The following MYO9B variants were observed in gnomAD, a reference collection of about 807,000 sequenced individuals.
MYO9B encodes myosin IXB, also known as unconventional myosin-IXb.
Under a neutral mutation model 229.5 loss-of-function variants are expected in MYO9B, and 71 were observed. The observed-to-expected ratio is 0.31, with a 90% confidence interval of 0.26 to 0.38. The LOEUF is 0.38. Among genes scored for constraint, MYO9B ranks in the 10% least tolerant of loss-of-function variants. MYO9B has a pLI of 1.00. For missense variants in MYO9B, 2,255 were observed against 2,920.5 expected, an observed-to-expected ratio of 0.77 and a Z score of 5.25; for synonymous variants, 1,185 against 1,235.8, an observed-to-expected ratio of 0.96 and a Z score of 0.86.
At chr19:17,113,276 G>A (rs2057866123) in intron 2 of MYO9B, among the ~76,000 whole-genome samples, 1 of 152,172 alleles carries the variant, frequency 6.6e-6, no homozygotes, top group African/African-American at 2.4e-5. Flanking sequence ...GAGGGTCCGG[G>A]GCAGCAGCCT....
chr19:17,147,476 G>A (rs1423243496), intron 3 of MYO9B, among the ~76,000 whole-genome samples: 31 of 147,184 alleles, frequency 2.1e-4, no homozygotes, highest in Admixed American at 2.0e-4. Flanking sequence ...CCCAGGAGGC[G>A]GAGATTGCAG....
At chr19:17,134,360 G>GT (rs142567764) in intron 2 of MYO9B, among the ~76,000 whole-genome samples, 10,982 of 45,912 alleles carry the variant, frequency 0.24, 566 homozygotes, top group Middle Eastern at 0.32. Flanking sequence ...GGATCTCTTT[G>GT]TTTTTTTTTT....
Position 17,101,735 on chromosome 19 carries a change from A to G in MYO9B, c.18A>G (p.Ala6=). 1 of 1,584,000 alleles carries G rather than the reference A, an allele frequency of 6.3e-7. No homozygotes were observed. Among genetic ancestry groups the G allele is most frequent in the African/African-American group, 1.3e-5 (1 of 74,432 alleles). MSVKE[A]GSSGRREQAA... is the part of the protein sequence containing the mutation. ...CCGGCAGGATGAGTGTGAAAGAGGCAGGCAGCTCGGGCCGCCGGGAGCAGG... is the reference window on the plus strand; with the variant it reads ...CCGGCAGGATGAGTGTGAAAGAGGCGGGCAGCTCGGGCCGCCGGGAGCAGG... Residue 6 remains alanine (A), a synonymous_variant, in exon 2 of 40, where the codon GCA becomes GCG. Coordinates refer to ENST00000682292, the MANE Select transcript of MYO9B (RefSeq NM_004145.4). This position sits in a 1 kb window ranked among gnomAD's most constrained non-coding sequence, Gnocchi z 4.7.
At chr19:17,080,023 G>A (rs755951893) in intron 1 of MYO9B, among the ~76,000 whole-genome samples, 6 of 151,888 alleles carry the variant, frequency 4.0e-5, no homozygotes, top group African/African-American at 7.3e-5. Context: ...TGCAGCTGAC[G>A]AGTTTGGGTT....
chr19:17,191,336 A>T, intron 20 of MYO9B, 117 bp downstream of exon 20: 1 of 1,313,696 alleles, frequency 7.6e-7, no homozygotes, highest in Non-Finnish European at 1.0e-6. Context: ...TGTCTAGGAA[A>T]TGCATTTCTC....
At chr19:17,191,599 C>G (rs1005256292) in intron 20 of MYO9B, among the ~76,000 whole-genome samples, 3 of 152,084 alleles carry the variant, frequency 2.0e-5, no homozygotes, top group African/African-American at 7.2e-5. Context: ...ATGTGTTTGC[C>G]TCTTGCTATG....
intron 2 of MYO9B, among the ~76,000 whole-genome samples, chr19:17,144,896 G>A (rs530147607): frequency 3.0e-4 from 45 of 151,358 alleles, no homozygotes; most frequent in Non-Finnish European, 4.7e-4. Context: ...CTTGAACTCG[G>A]GAGACAGTGC....
chr19:17,097,687 T>G (rs2057706218), intron 1 of MYO9B, among the ~76,000 whole-genome samples: 1 of 152,168 alleles, frequency 6.6e-6, no homozygotes, highest in Admixed American at 6.6e-5. Context: ...AGTTATCGTT[T>G]CTTTCAGCCT....
At chr19:17,127,428 GC>G (rs2072136760) in intron 2 of MYO9B, among the ~76,000 whole-genome samples, 1 of 151,106 alleles carries the variant, frequency 6.6e-6, no homozygotes, top group Non-Finnish European at 1.5e-5. Context: ...CCAGGTTCAA[GC>G]GATTCTCCTG....
In MYO9B at chr19:17,114,463, T is replaced by G. The variant is rs535816621; in HGVS notation, c.840+11906T>G. Among the ~76,000 whole-genome samples, 23 of 152,178 alleles carry G rather than the reference T, an allele frequency of 1.5e-4. No homozygotes were observed. In the Middle Eastern group the frequency reaches 0.017, roughly 113 times the overall value. ...AGGCATGTCCTCGTGTCACCGATGA[T>G]GAAGCGGCCCTAGGTGCGTGAGGAT... is the stretch of plus-strand genomic sequence containing the variant. On this transcript the variant is annotated intron_variant, in intron 2 of 39. Coordinates refer to ENST00000682292, the MANE Select transcript of MYO9B (RefSeq NM_004145.4).
chr19:17,173,551 G>A (rs1378282641), intron 13 of MYO9B, among the ~76,000 whole-genome samples: 3 of 152,026 alleles, frequency 2.0e-5, no homozygotes, highest in Admixed American at 6.6e-5. Context: ...TGATCCGCCC[G>A]CCTCTGACTC....
intron 11 of MYO9B, 103 bp downstream of exon 11, chr19:17,168,167 G>T (rs562779893): frequency 2.7e-6 from 4 of 1,469,074 alleles, no homozygotes; most frequent in Admixed American, 4.2e-5. Context: ...TTTCCCAAGA[G>T]CGCCTTTTTA....
intron 13 of MYO9B, among the ~76,000 whole-genome samples, chr19:17,173,501 G>T (rs527608063): frequency 6.6e-6 from 1 of 151,692 alleles, no homozygotes; most frequent in Non-Finnish European, 1.5e-5. Flanking sequence ...ACGGGGTTTC[G>T]CCCTGTTGGC....
intron 5 of MYO9B, 23 bp downstream of exon 5, chr19:17,154,089 CACAA>C (rs1233746568): frequency 6.3e-7 from 1 of 1,586,214 alleles, no homozygotes; most frequent in Admixed American, 1.7e-5. Flanking sequence ...AAGCCCGAGC[CACAA>C]ACGCCACCTC....
At chr19:17,179,962 C>T (rs893913406) in intron 14 of MYO9B, among the ~76,000 whole-genome samples, 4 of 151,622 alleles carry the variant, frequency 2.6e-5, no homozygotes, top group Admixed American at 6.6e-5. Context: ...CAGCCAGGCG[C>T]GGTGGCTCAC....
In MYO9B at chr19:17,091,446, C is replaced by T. The variant is rs1450259333; in HGVS notation, c.-58-10214C>T. Among the ~76,000 whole-genome samples the T allele has an allele frequency of 2.6e-5, 4 of 152,198 alleles. No individual in the cohort carries two copies. The East Asian group carries it at 7.7e-4, about 29-fold the overall frequency. On this transcript the variant is annotated intron_variant, in intron 1 of 39. Coordinates refer to ENST00000682292, the MANE Select transcript of MYO9B (RefSeq NM_004145.4). ...TTGTGGCCAGGCACAGTGGCTCACACCTGTAATCCCAGCACTTTGGGAGGC... is the reference window on the plus strand; with the variant it reads ...TTGTGGCCAGGCACAGTGGCTCACATCTGTAATCCCAGCACTTTGGGAGGC...
At chr19:17,112,238 G>A (rs776879061) in intron 2 of MYO9B, among the ~76,000 whole-genome samples, 32 of 152,174 alleles carry the variant, frequency 2.1e-4, no homozygotes, top group Admixed American at 3.9e-4. Flanking sequence ...CTCTCCAGCA[G>A]GCTGCTTCGG....
chr19:17,161,040 A>G (rs2072595889), intron 8 of MYO9B, among the ~76,000 whole-genome samples: 2 of 151,784 alleles, frequency 1.3e-5, no homozygotes, highest in South Asian at 2.1e-4. Flanking sequence ...GAGACGGGCA[A>G]TCCACCCGCC....
chr19:17,198,649 C>T lies in MYO9B; in HGVS notation c.4238+341C>T, dbSNP rs147539041. Among the ~76,000 whole-genome samples the T allele has an allele frequency of 3.6e-3, 545 of 149,636 alleles. 1 individual carries two copies. Among genetic ancestry groups the T allele is most frequent in the Middle Eastern group, 0.035 (10 of 288 alleles). ...ACTCGGGAGGCTGAGGCAGGAGAAT[C>T]GCTTGAACTCGGGAGGTGGAGGTTG... On this transcript the variant is annotated intron_variant, in intron 24 of 39. Transcript: ENST00000682292.
Sources: allele counts gnomAD v4.1 joint callset (sites outside exome capture counted in the v4.1 genomes callset), GRCh38; gene constraint gnomAD v4.1.1; non-coding constraint Gnocchi (gnomAD v3.1); transcripts MANE v1.5; gene names NCBI Gene and HGNC (gene_info 2026-07-23, HGNC 2026-07-21).